Variants in PTCH2 observed in about 807,000 individuals in gnomAD.
PTCH2 encodes protein patched homolog 2.
Under a neutral mutation model 117.9 loss-of-function variants are expected in PTCH2, and 96 were observed. That is an observed-to-expected ratio of 0.81 (90% CI 0.69 to 0.96). The LOEUF is 0.96. Ranked by LOEUF, PTCH2 falls within the 50% of genes least tolerant of loss-of-function variation. The probability of loss-of-function intolerance (pLI) is 0.00; values close to 1 mark genes in which losing one functional copy is unlikely to be tolerated. For synonymous variants in PTCH2, 615 were observed against 660.9 expected (o/e 0.93, Z 1.06); for missense variants, 1,379 against 1,562.5 (o/e 0.88, Z 1.98).
intron 2 of PTCH2, among the ~76,000 whole-genome samples, chr1:44,834,564 G>A (rs1653604926): frequency 6.6e-6 from 1 of 152,196 alleles, no homozygotes; most frequent in African/African-American, 2.4e-5. Context: ...AAGTGGGTTT[G>A]CTGAGAGGAA....
At chr1:44,820,224 T>C, downstream of PTCH2, 1 of 375,818 alleles carries the variant, frequency 2.7e-6, no homozygotes, top group Non-Finnish European at 5.4e-6. Context: ...CACAGGCGGC[T>C]CCGGGCTGTT....
At position 44,829,921 on chromosome 1, in the gene PTCH2, C is replaced by T. The variant is rs1653356002; in HGVS notation, c.923G>A (p.Gly308Glu). 1 of 1,614,020 alleles carries T rather than the reference C, an allele frequency of 6.2e-7. No individual in the cohort carries two copies. Residue 308 changes from glycine to glutamate, a missense_variant, in exon 7 of 22, where the codon GGA becomes GAA. Transcript: ENST00000372192. The stretch of plus-strand genomic sequence containing the variant: ...GAGGAGACCCTACCTCAGCAGCTCT[C>T]CTTGGGGGTCTCTGGCCATGCCTCC... ...LLGGMARDPQ[G>E]ELLRAEALQS...
chr1:44,843,126 C>T lies in PTCH2; in HGVS notation c.-194G>A. 1.5e-6 allele frequency: 2 copies of T among 1,305,624 alleles called. No individual in the cohort carries two copies. The highest frequency in any genetic ancestry group is 1.5e-5 in the African/African-American group (1 of 64,770). 80.9% of individuals were successfully genotyped at this position (1,305,624 alleles called of 1,614,324 possible). A position where few individuals can be genotyped will look rare whatever the true frequency, so the allele number is the denominator to read the frequency against. The stretch of plus-strand genomic sequence containing the variant: ...GGAGGAGTGCAGGGAGCTGCGGGTC[C>T]GGGGCGCGGCGCCGGGATTCACCCG... On this transcript the variant is annotated 5_prime_UTR_variant, in exon 1 of 22. Coordinates refer to ENST00000372192, the MANE Select transcript of PTCH2 (RefSeq NM_003738.5).
chr1:44,840,426 T>C (rs1324327293), intron 2 of PTCH2, among the ~76,000 whole-genome samples: 1 of 144,534 alleles, frequency 6.9e-6, no homozygotes, highest in African/African-American at 2.5e-5. Flanking sequence ...GAGAAATCAT[T>C]CTGGCCAGGC....
At chr1:44,824,312 G>A (rs142511500) in intron 19 of PTCH2, among the ~76,000 whole-genome samples, 12 of 152,266 alleles carry the variant, frequency 7.9e-5, no homozygotes, top group African/African-American at 2.9e-4. Context: ...AATAATAATA[G>A]AGATATTTGG....
rs11573561 is a variant in PTCH2, at chr1:44,836,117, G to A, written c.266-3776C>T. 4.9e-3 allele frequency among the ~76,000 whole-genome samples: 742 copies of A among 152,200 alleles called. 1 individual carries two copies. Among genetic ancestry groups the A allele is most frequent in the Middle Eastern group, 0.014 (4 of 294 alleles). ...GACCCTGATTTCCGTGGCCGTCATC[G>A]GAAAGGCCCAGTGATTAGGGACAGC... On this transcript the variant is annotated intron_variant, in intron 2 of 21. Coordinates refer to ENST00000372192, the MANE Select transcript of PTCH2 (RefSeq NM_003738.5).
At chr1:44,838,734 T>TTTTC (rs1653796801) in intron 2 of PTCH2, among the ~76,000 whole-genome samples, 1 of 151,204 alleles carries the variant, frequency 6.6e-6, no homozygotes, top group African/African-American at 2.4e-5. Context: ...CTTTTCTTTT[T>TTTTC]TTTTTTTTTT....
At position 44,826,310 on chromosome 1, in the gene PTCH2, G is replaced by C. The variant is rs773222322; in HGVS notation, c.3054C>G (p.Pro1018=). The C allele has an allele frequency of 6.2e-7, 1 of 1,614,014 alleles. No individual in the cohort carries two copies. Among genetic ancestry groups the C allele is most frequent in the Admixed American group, 1.7e-5 (1 of 60,002 alleles). The change falls in exon 19 of 22, where the codon CCC becomes CCG. Residue 1018 remains proline, a synonymous_variant. Coordinates refer to ENST00000372192, the MANE Select transcript of PTCH2 (RefSeq NM_003738.5). This position sits in a 1 kb window ranked among gnomAD's most constrained non-coding sequence, Gnocchi z 5.1. The part of the protein sequence containing the change: ...GFLGIKLSAI[P]VVILVASVGI... The stretch of plus-strand genomic sequence containing the variant: ...CTACAGAGGCCACAAGGATCACCAC[G>C]GGGATGGCACTCAGCTTGATGCCCA...
chr1:44,842,132 G>T, intron 1 of PTCH2, 93 bp from the exon 2 acceptor site: 2 of 1,270,584 alleles, frequency 1.6e-6, no homozygotes, highest in Non-Finnish European at 2.3e-6. Flanking sequence ...CCCAGCCCTC[G>T]CTTCTTGATT....
At chr1:44,835,941 G>C (rs191844745) in intron 2 of PTCH2, among the ~76,000 whole-genome samples, 1 of 152,320 alleles carries the variant, frequency 6.6e-6, no homozygotes, top group African/African-American at 2.4e-5. Flanking sequence ...GTGTGCTATG[G>C]AGTTTATATT....
intron 2 of PTCH2, among the ~76,000 whole-genome samples, chr1:44,837,849 C>T (rs895322460): frequency 3.3e-5 from 5 of 151,318 alleles, no homozygotes; most frequent in Admixed American, 6.6e-5. Flanking sequence ...GAGGCCGAGG[C>T]GGGCGGATCA....
At chr1:44,822,775 G>A in intron 21 of PTCH2, 106 bp from the exon 22 acceptor site, 1 of 1,245,540 alleles carries the variant, frequency 8.0e-7, no homozygotes, top group Non-Finnish European at 1.2e-6. Flanking sequence ...TGGGGCCCTT[G>A]TTGGTCTCCA....
rs1653656566 is a variant in PTCH2 at position 44,835,753 on chromosome 1, A to G, written c.266-3412T>C. On this transcript the variant is annotated intron_variant, in intron 2 of 21. Transcript: ENST00000372192. ...AACAATGTATTTTTGTGAATACACT[A>G]TTGTGAGTTGTGAATGATGAGGTGC... Among the ~76,000 whole-genome samples the G allele has an allele frequency of 1.3e-5, 2 of 152,170 alleles. 1 individual carries two copies. The highest frequency in any genetic ancestry group is 2.9e-5 in the Non-Finnish European group (2 of 68,036).
intron 12 of PTCH2, 30 bp downstream of exon 12, chr1:44,828,476 C>T (rs767714542): frequency 1.2e-6 from 2 of 1,614,162 alleles, no homozygotes. Flanking sequence ...CCCACACCCA[C>T]CCTGAGCTGC....
intron 2 of PTCH2, among the ~76,000 whole-genome samples, chr1:44,840,251 C>T (rs1053305492): frequency 2.0e-5 from 3 of 151,468 alleles, no homozygotes; most frequent in African/African-American, 7.3e-5. Context: ...TACAGGCGCC[C>T]GCCACCACGC....
chr1:44,836,476 G>A (rs546170136), intron 2 of PTCH2, among the ~76,000 whole-genome samples: 152 of 152,268 alleles, frequency 1.0e-3, no homozygotes, highest in African/African-American at 3.6e-3. Context: ...TTGGGAGGCC[G>A]AGGTGGGCGG....
intron 2 of PTCH2, among the ~76,000 whole-genome samples, chr1:44,834,122 CTT>C (rs10695694): frequency 9.2e-5 from 13 of 140,950 alleles, no homozygotes; most frequent in Non-Finnish European, 1.2e-4. Context: ...AGTTCCTTCC[CTT>C]TTTTTTTTTT....
intron 2 of PTCH2, among the ~76,000 whole-genome samples, chr1:44,840,498 G>A (rs1653901155): frequency 6.7e-6 from 1 of 149,962 alleles, no homozygotes; most frequent in African/African-American, 2.4e-5. Flanking sequence ...ATTACTTGAA[G>A]CCAGGAGTTC....
At chr1:44,825,481 T>TA (rs924453936) in intron 19 of PTCH2, among the ~76,000 whole-genome samples, 3 of 152,164 alleles carry the variant, frequency 2.0e-5, no homozygotes, top group Non-Finnish European at 4.4e-5. Flanking sequence ...TCCTTGGAGG[T>TA]AAAAAACTGT....
Sources: gnomAD v4.1 joint callset for allele counts (sites outside exome capture counted in the v4.1 genomes callset) on GRCh38, gnomAD v4.1.1 for gene constraint, Gnocchi (gnomAD v3.1) non-coding constraint, MANE v1.5 for transcripts, NCBI Gene and HGNC (gene_info 2026-07-23, HGNC 2026-07-21) for gene names.